Variants in DLG2 observed in about 807,000 individuals in gnomAD.
DLG2 encodes the protein disks large homolog 2.
In DLG2, 45 loss-of-function variants were observed where a neutral mutation model predicts 132.5. The observed-to-expected ratio is 0.34, with a 90% CI of 0.27 to 0.44. The LOEUF is 0.44. Ranked by LOEUF, DLG2 falls within the 20% of genes least tolerant of loss-of-function variation. The pLI is 1.00. For synonymous variants in DLG2, 424 were observed against 419.6 expected (o/e 1.01, Z -0.13); for missense variants, 1,045 against 1,196.9 (o/e 0.87, Z 1.87).
chr11:84,817,395 G>C (rs2077192464), intron 6 of DLG2, among the ~76,000 whole-genome samples: 1 of 151,984 alleles, frequency 6.6e-6, no homozygotes, highest in Non-Finnish European at 1.5e-5. Flanking sequence ...TTTAGGCTTA[G>C]AGTAAGGACT....
intron 3 of DLG2, among the ~76,000 whole-genome samples, chr11:85,515,569 G>C (rs1249598048): frequency 6.6e-6 from 1 of 151,884 alleles, no homozygotes; most frequent in Non-Finnish European, 1.5e-5. Context: ...CTTGAATCTA[G>C]CAAGTGATCA....
intron 4 of DLG2, among the ~76,000 whole-genome samples, chr11:85,246,713 G>T (rs1485487716): frequency 6.6e-6 from 1 of 151,880 alleles, no homozygotes; most frequent in Non-Finnish European, 1.5e-5. Context: ...TCATATAATT[G>T]CATAACAACT....
intron 7 of DLG2, among the ~76,000 whole-genome samples, chr11:84,479,833 A>C (rs574999565): frequency 6.6e-6 from 1 of 152,292 alleles, no homozygotes; most frequent in African/African-American, 2.4e-5. Flanking sequence ...CCTACTAAAA[A>C]ATATAATAAA....
chr11:85,488,166 G>C (rs150458714), intron 3 of DLG2, among the ~76,000 whole-genome samples: 1 of 152,148 alleles, frequency 6.6e-6, no homozygotes, highest in Non-Finnish European at 1.5e-5. Context: ...TGAAGTGGGC[G>C]GATCACGAGG....
intron 6 of DLG2, among the ~76,000 whole-genome samples, chr11:85,029,112 A>G (rs1333876400): frequency 1.3e-5 from 2 of 152,222 alleles, no homozygotes; most frequent in Admixed American, 6.5e-5. Context: ...GTTAGTTGCA[A>G]TAAGTTCTGA....
chr11:85,496,519 C>T (rs1402171799), intron 3 of DLG2, among the ~76,000 whole-genome samples: 1 of 152,212 alleles, frequency 6.6e-6, no homozygotes, highest in Non-Finnish European at 1.5e-5. Context: ...TAGCAAACAG[C>T]TTCCCCATAC....
Position 85,305,936 on chromosome 11 carries a change from C to T in DLG2, c.41-20571G>A, listed in dbSNP as rs186732410. On this transcript the variant is annotated intron_variant, in intron 3 of 27. Coordinates refer to ENST00000376104, the MANE Select transcript of DLG2 (RefSeq NM_001142699.3). ...ACCAGCTCCTTTATTTTCATATGTT[C>T]CCGGATCACAAGTAGGCAATGTAGA... Among the ~76,000 whole-genome samples, 21 of 152,214 alleles carry T rather than the reference C, an allele frequency of 1.4e-4. 1 individual carries two copies. Among genetic ancestry groups the T allele is most frequent in the African/African-American group, 4.1e-4 (17 of 41,532 alleles).
At chr11:84,292,487 G>A (rs757620768) in intron 7 of DLG2, among the ~76,000 whole-genome samples, 1 of 152,166 alleles carries the variant, frequency 6.6e-6, no homozygotes, top group Non-Finnish European at 1.5e-5. Context: ...GCTTCTGCAA[G>A]AGAAATTGAT....
intron 7 of DLG2, among the ~76,000 whole-genome samples, chr11:84,448,852 G>A (rs892521172): frequency 1.3e-5 from 2 of 151,962 alleles, no homozygotes; most frequent in Non-Finnish European, 2.9e-5. Flanking sequence ...TCCTCCACAC[G>A]TGGTAGGTAA....
intron 7 of DLG2, among the ~76,000 whole-genome samples, chr11:84,408,550 C>T (rs986384599): frequency 1.8e-4 from 28 of 151,966 alleles, no homozygotes; most frequent in Admixed American, 3.3e-4. Flanking sequence ...TAAAGTCAAT[C>T]GGGGGTTATG....
intron 3 of DLG2, among the ~76,000 whole-genome samples, chr11:85,314,333 A>G (rs879166936): frequency 2.6e-5 from 4 of 152,028 alleles, no homozygotes; most frequent in East Asian, 3.8e-4. Flanking sequence ...AAAAATATCA[A>G]TAACTGTGGA....
At chr11:84,819,497 G>GC (rs2077446741) in intron 6 of DLG2, among the ~76,000 whole-genome samples, 2 of 151,728 alleles carry the variant, frequency 1.3e-5, no homozygotes, top group African/African-American at 4.8e-5. Flanking sequence ...CTGAAAATGA[G>GC]CCCTTTTCAT....
At chr11:84,633,178 C>T (rs1488587578) in intron 6 of DLG2, among the ~76,000 whole-genome samples, 1 of 152,166 alleles carries the variant, frequency 6.6e-6, no homozygotes, top group Non-Finnish European at 1.5e-5. Context: ...CTGTTTGAAA[C>T]TCTTTGGTTG....
At position 83,499,850 on chromosome 11, in the gene DLG2, GAGATATATATATAT is replaced by G. The variant is rs1254688520; in HGVS notation, c.2194-15636_2194-15623del. Among the ~76,000 whole-genome samples, 168 of 58,768 alleles carry G rather than the reference GAGATATATATATAT, an allele frequency of 2.9e-3. 1 individual carries two copies. The highest frequency in any genetic ancestry group is 8.1e-3 in the Admixed American group (34 of 4,174). 38.6% of individuals were successfully genotyped at this position (58,768 alleles called of 152,430 possible). A position where few individuals can be genotyped will look rare whatever the true frequency, so the allele number is the denominator to read the frequency against. On this transcript the variant is annotated intron_variant, in intron 21 of 27. Coordinates refer to ENST00000376104, the MANE Select transcript of DLG2 (RefSeq NM_001142699.3). ...ATATATATATTTCCTCCACTAATAGGAGATATATATATATATATATATATATATATATATATATA... is the reference window on the plus strand; with the variant it reads ...ATATATATATTTCCTCCACTAATAGGATATATATATATATATATATATATA...
intron 3 of DLG2, chr11:85,286,104 C>T (rs2078540324): frequency 2.2e-6 from 1 of 451,550 alleles, no homozygotes; most frequent in East Asian, 6.7e-5. Flanking sequence ...ACTTAAGTAA[C>T]TTTGAAAATG....
chr11:83,467,104 T>G (rs552368355), intron 25 of DLG2, among the ~76,000 whole-genome samples: 24 of 152,336 alleles, frequency 1.6e-4, no homozygotes, highest in Admixed American at 1.0e-3. Context: ...AAAGATGACA[T>G]GCAGCCGTAT....
chr11:84,936,015 G>A (rs1285786947), intron 6 of DLG2, among the ~76,000 whole-genome samples: 1 of 152,158 alleles, frequency 6.6e-6, no homozygotes, highest in Non-Finnish European at 1.5e-5. Context: ...TTCCATGCCA[G>A]ATTTTAAGCT....
Position 85,111,753 on chromosome 11 carries a change from T to C in DLG2, c.283-18A>G. ...TGGTTTTGCTGCAAATAAGTAAAAA[T>C]TATATTATATTCTATTTATTATGGG... On this transcript the variant is annotated intron_variant, in intron 5 of 27. Transcript: ENST00000376104. The C allele has an allele frequency of 6.5e-7, 1 of 1,532,384 alleles. No homozygotes were observed. Among genetic ancestry groups the C allele is most frequent in the Non-Finnish European group, 8.8e-7 (1 of 1,131,118 alleles). 94.9% of individuals were successfully genotyped at this position (1,532,384 alleles called of 1,614,324 possible).
chr11:85,198,752 T>C (rs1200721040), intron 4 of DLG2, among the ~76,000 whole-genome samples: 3 of 152,140 alleles, frequency 2.0e-5, no homozygotes, highest in African/African-American at 7.2e-5. Flanking sequence ...AACCAGCTTT[T>C]TGCCTCATTT....
Sources: allele counts gnomAD v4.1 joint callset (sites outside exome capture counted in the v4.1 genomes callset), GRCh38; gene constraint gnomAD v4.1.1; transcripts MANE v1.5; gene names NCBI Gene and HGNC (gene_info 2026-07-23, HGNC 2026-07-21).